The following TSHZ2 variants were observed in gnomAD, a reference collection of about 807,000 sequenced individuals.
TSHZ2 encodes the protein teashirt zinc finger homeobox 2, also known as teashirt homolog 2.
TSHZ2 carries 21 observed loss-of-function variants against 74.4 expected under a neutral mutation model. The ratio of observed to expected loss-of-function variants is 0.28; its 90% CI spans 0.20 to 0.41. The LOEUF is 0.41. Among genes scored for constraint, TSHZ2 ranks in the 10% least tolerant of loss-of-function variants. TSHZ2 has a pLI of 1.00. For synonymous variants in TSHZ2, 540 were observed against 515.3 expected, an observed-to-expected ratio of 1.05 and a Z score of -0.65; for missense variants, 1,244 against 1,293.5, an observed-to-expected ratio of 0.96 and a Z score of 0.59.
At chr20:53,133,859 C>G (rs936130088) in intron 1 of TSHZ2, among the ~76,000 whole-genome samples, 40 of 151,428 alleles carry the variant, frequency 2.6e-4, no homozygotes, top group Non-Finnish European at 4.4e-4. Flanking sequence ...TCTGTTTTGC[C>G]TAACCCTTTG....
chr20:53,310,387 G>A (rs936839773), intron 2 of TSHZ2, among the ~76,000 whole-genome samples: 7 of 152,206 alleles, frequency 4.6e-5, no homozygotes, highest in African/African-American at 9.6e-5. Context: ...AATAATGCGT[G>A]TATTTGTAGT....
At chr20:53,185,553 G>C in intron 1 of TSHZ2, 1 of 1,458,382 alleles carries the variant, frequency 6.9e-7, no homozygotes, top group Non-Finnish European at 9.2e-7. Flanking sequence ...CCAGGAGGCA[G>C]AGGTTGCAGT....
chr20:53,289,708 G>T (rs770289056), intron 2 of TSHZ2, among the ~76,000 whole-genome samples: 20 of 152,178 alleles, frequency 1.3e-4, no homozygotes, highest in Non-Finnish European at 2.5e-4. Flanking sequence ...TCTGAGCTGA[G>T]ACCTGAATGA....
chr20:52,989,652 C>T (rs1467807772), intron 1 of TSHZ2, among the ~76,000 whole-genome samples: 4 of 151,726 alleles, frequency 2.6e-5, no homozygotes, highest in East Asian at 1.9e-4. Context: ...CAACGCTTGG[C>T]GCATAATAAG....
At chr20:53,435,557 A>G (rs976954865) in intron 2 of TSHZ2, among the ~76,000 whole-genome samples, 1 of 152,250 alleles carries the variant, frequency 6.6e-6, no homozygotes, top group Non-Finnish European at 1.5e-5. Flanking sequence ...TCTGTCGCCC[A>G]GGCTGGAGTG....
chr20:53,390,078 G>A (rs538920794), intron 2 of TSHZ2, among the ~76,000 whole-genome samples: 1 of 152,294 alleles, frequency 6.6e-6, no homozygotes, highest in African/African-American at 2.4e-5. Context: ...AGCAGAGAGA[G>A]CGACTTTAGG....
At chr20:53,055,597 G>A (rs1034183000) in intron 1 of TSHZ2, among the ~76,000 whole-genome samples, 14 of 152,052 alleles carry the variant, frequency 9.2e-5, no homozygotes, top group Admixed American at 1.3e-4. Context: ...TCCTCCTCTC[G>A]TTGGAACATT....
intron 1 of TSHZ2, among the ~76,000 whole-genome samples, chr20:53,012,915 G>C (rs994232435): frequency 7.2e-5 from 11 of 152,226 alleles, no homozygotes; most frequent in Middle Eastern, 3.4e-3. Context: ...GGGGAAATTA[G>C]CTCCAGGTTG....
At chr20:53,481,340 G>A (rs888575863) in intron 2 of TSHZ2, among the ~76,000 whole-genome samples, 2 of 152,156 alleles carry the variant, frequency 1.3e-5, no homozygotes, top group East Asian at 1.9e-4. Flanking sequence ...GGGAGGTCAA[G>A]GCAATAGGAT....
intron 2 of TSHZ2, among the ~76,000 whole-genome samples, chr20:53,385,753 G>A (rs1381400244): frequency 1.3e-5 from 2 of 152,146 alleles, no homozygotes; most frequent in Admixed American, 1.3e-4. Flanking sequence ...CTCCTTCTGA[G>A]CCAGGGACCA....
At chr20:53,405,817 G>A (rs1982832123) in intron 2 of TSHZ2, among the ~76,000 whole-genome samples, 1 of 151,928 alleles carries the variant, frequency 6.6e-6, no homozygotes, top group South Asian at 2.1e-4. Flanking sequence ...GCAACATGGC[G>A]AGACCCTGTC....
chr20:53,135,899 CCAGA>C (rs1258041454), intron 1 of TSHZ2, among the ~76,000 whole-genome samples: 1 of 152,294 alleles, frequency 6.6e-6, no homozygotes, highest in African/African-American at 2.4e-5. Flanking sequence ...GCCACCACAC[CCAGA>C]CAATGTTTGT....
At chr20:53,335,644 G>A (rs975411062) in intron 2 of TSHZ2, among the ~76,000 whole-genome samples, 4 of 152,260 alleles carry the variant, frequency 2.6e-5, no homozygotes, top group Non-Finnish European at 4.4e-5. Flanking sequence ...AAAGTGAAAT[G>A]TCTGTACTGA....
intron 1 of TSHZ2, among the ~76,000 whole-genome samples, chr20:53,160,744 C>CAAAAAAAAAAA (rs1762991150): frequency 1.4e-5 from 1 of 69,096 alleles, no homozygotes; most frequent in African/African-American, 9.5e-5. Context: ...GACTCTGTCT[C>CAAAAAAAAAAA]CAAAAAAAAA....
intron 1 of TSHZ2, among the ~76,000 whole-genome samples, chr20:53,043,295 G>A (rs896578124): frequency 5.3e-5 from 8 of 152,158 alleles, no homozygotes; most frequent in Non-Finnish European, 7.3e-5. Flanking sequence ...TCAACAGGAG[G>A]TGGTTTTGCC....
At chr20:53,186,260 A>C (rs1439549681) in intron 1 of TSHZ2, among the ~76,000 whole-genome samples, 1 of 152,208 alleles carries the variant, frequency 6.6e-6, no homozygotes, top group African/African-American at 2.4e-5. Context: ...CAATCATCAA[A>C]TGTTTCAATT....
chr20:53,082,480 C>T (rs141375216), intron 1 of TSHZ2, among the ~76,000 whole-genome samples: 358 of 152,304 alleles, frequency 2.4e-3, no homozygotes, highest in Non-Finnish European at 4.0e-3. Context: ...ACCTACTACA[C>T]GCTACTAAGA....
intron 2 of TSHZ2, among the ~76,000 whole-genome samples, chr20:53,342,440 G>A (rs1327874213): frequency 6.6e-5 from 10 of 151,892 alleles, no homozygotes; most frequent in Non-Finnish European, 1.0e-4. Flanking sequence ...GGTTGCTGAC[G>A]CTTACGTCCG....
chr20:52,979,824 GTAT>G lies in TSHZ2; in HGVS notation c.40+6496_40+6498del, dbSNP rs1981493773. ...AGATAATCCGATTATTAATATATCA[GTAT>G]TATTTAGCTATGCATAACAACAGGA... On this transcript the variant is annotated intron_variant, in intron 1 of 2. Transcript: ENST00000371497. Among the ~76,000 whole-genome samples, 10 of 152,294 alleles carry G rather than the reference GTAT, an allele frequency of 6.6e-5. 1 individual carries two copies. In the South Asian group the frequency reaches 1.9e-3, roughly 28 times the overall value.
Sources: gnomAD v4.1 joint callset for allele counts (sites outside exome capture counted in the v4.1 genomes callset) on GRCh38, gnomAD v4.1.1 for gene constraint, MANE v1.5 for transcripts, NCBI Gene and HGNC (gene_info 2026-07-23, HGNC 2026-07-21) for gene names.